Variants in CELF4 observed in about 807,000 individuals in gnomAD.
CELF4 encodes the protein CUGBP Elav-like family member 4, also known as CUG-BP- and ETR-3-like factor 4.
In CELF4, 18 loss-of-function variants were observed where a neutral mutation model predicts 59.9. The observed-to-expected ratio is 0.30, with a 90% CI of 0.21 to 0.45. CELF4 has a LOEUF of 0.45. Among genes scored for constraint, CELF4 ranks in the 20% least tolerant of loss-of-function variants. The probability of loss-of-function intolerance (pLI) is 1.00; values close to 1 mark genes in which losing one functional copy is unlikely to be tolerated. For missense variants in CELF4, 456 were observed against 689.0 expected (o/e 0.66, Z 3.79); for synonymous variants, 261 against 267.1 (o/e 0.98, Z 0.22).
chr18:37,443,857 G>A (rs1264101293), intron 2 of CELF4, among the ~76,000 whole-genome samples: 4 of 152,156 alleles, frequency 2.6e-5, no homozygotes, highest in African/African-American at 9.7e-5. Flanking sequence ...TCTGCCCAGC[G>A]AGATGTCAAT....
At chr18:37,555,274 A>C (rs1196751388) in intron 1 of CELF4, among the ~76,000 whole-genome samples, 2 of 152,216 alleles carry the variant, frequency 1.3e-5, no homozygotes, top group Non-Finnish European at 2.9e-5. Flanking sequence ...AGATATGGAT[A>C]TACTGGATGC....
intron 2 of CELF4, among the ~76,000 whole-genome samples, chr18:37,422,097 C>G (rs1478265162): frequency 6.6e-6 from 1 of 152,208 alleles, no homozygotes; most frequent in African/African-American, 2.4e-5. Context: ...ATAACACTGG[C>G]TAGACAAGTG....
Position 37,526,489 on chromosome 18 carries a change from A to G in CELF4, c.286+38867T>C, listed in dbSNP as rs541930730. Among the ~76,000 whole-genome samples, 8 of 152,268 alleles carry G rather than the reference A, an allele frequency of 5.3e-5. No homozygotes were observed. The East Asian group carries it at 1.5e-3, about 29-fold the overall frequency. On this transcript the variant is annotated intron_variant, in intron 1 of 12. Coordinates refer to ENST00000420428, the MANE Select transcript of CELF4 (RefSeq NM_020180.4). ...CCTATTTCTGTCCTATAGGGGCCAG[A>G]AAGGTATTAGATTTTCAAGTTTCCC...
intron 3 of CELF4, among the ~76,000 whole-genome samples, chr18:37,285,312 G>A (rs2094623756): frequency 6.6e-6 from 1 of 152,190 alleles, no homozygotes; most frequent in African/African-American, 2.4e-5. Flanking sequence ...AATGTGGGCT[G>A]AAAATGTCCT....
At chr18:37,524,709 G>A (rs1171686301) in intron 1 of CELF4, among the ~76,000 whole-genome samples, 2 of 152,216 alleles carry the variant, frequency 1.3e-5, no homozygotes, top group Non-Finnish European at 2.9e-5. Flanking sequence ...GAGCCATTAA[G>A]GGCGGGAACG....
intron 2 of CELF4, among the ~76,000 whole-genome samples, chr18:37,362,489 G>A (rs1371311871): frequency 1.3e-5 from 2 of 152,148 alleles, no homozygotes; most frequent in Non-Finnish European, 2.9e-5. Flanking sequence ...GACGAGGACA[G>A]GGTTGGGGGG....
chr18:37,346,468 G>C (rs1283295348), intron 2 of CELF4, among the ~76,000 whole-genome samples: 1 of 152,170 alleles, frequency 6.6e-6, no homozygotes, highest in Non-Finnish European at 1.5e-5. Context: ...GTCATTCTGC[G>C]ACTGGGGTTC....
At chr18:37,406,866 G>A (rs1007769961) in intron 2 of CELF4, among the ~76,000 whole-genome samples, 7 of 152,050 alleles carry the variant, frequency 4.6e-5, no homozygotes, top group Admixed American at 2.6e-4. Flanking sequence ...TGGGGAAGTG[G>A]GGGAATGGGG....
rs535013866 is a variant in CELF4 at position 37,372,194 on chromosome 18, C to A, written c.370-50313G>T. On this transcript the variant is annotated intron_variant, in intron 2 of 12. Transcript: ENST00000420428. ...GACACGTGCACACGTATGTTTATTG[C>A]GGCACTATTCACAATAGCAAAGACT... is the stretch of plus-strand genomic sequence containing the variant. Among the ~76,000 whole-genome samples, 3 of 152,264 alleles carry A rather than the reference C, an allele frequency of 2.0e-5. No individual in the cohort carries two copies. The East Asian group carries it at 5.8e-4, about 29-fold the overall frequency.
chr18:37,526,235 C>G (rs1186977416), intron 1 of CELF4, among the ~76,000 whole-genome samples: 1 of 152,156 alleles, frequency 6.6e-6, no homozygotes, highest in Admixed American at 6.5e-5. Flanking sequence ...CATTTTCTTT[C>G]AACCCACAAG....
intron 2 of CELF4, among the ~76,000 whole-genome samples, chr18:37,460,870 G>C (rs1426268863): frequency 6.6e-6 from 1 of 152,236 alleles, no homozygotes; most frequent in Non-Finnish European, 1.5e-5. Flanking sequence ...GGGTTGATTG[G>C]ATGTGGGAGG....
At chr18:37,338,409 ATT>A (rs1337896750) in intron 2 of CELF4, among the ~76,000 whole-genome samples, 1 of 150,112 alleles carries the variant, frequency 6.7e-6, no homozygotes, top group Non-Finnish European at 1.5e-5. Flanking sequence ...CACCACTATC[ATT>A]GTCACCATTA....
intron 2 of CELF4, among the ~76,000 whole-genome samples, chr18:37,469,370 T>C (rs2099815997): frequency 6.6e-6 from 1 of 152,044 alleles, no homozygotes; most frequent in African/African-American, 2.4e-5. Flanking sequence ...CAGCAGACAG[T>C]TCCATGTGAA....
intron 2 of CELF4, among the ~76,000 whole-genome samples, chr18:37,474,951 G>A (rs1478536597): frequency 6.6e-6 from 1 of 152,218 alleles, no homozygotes; most frequent in African/African-American, 2.4e-5. Flanking sequence ...CTAGAAAGCG[G>A]AAGACCCCTG....
chr18:37,287,050 A>G (rs2094859789), intron 3 of CELF4, among the ~76,000 whole-genome samples: 1 of 151,714 alleles, frequency 6.6e-6, no homozygotes, highest in Admixed American at 6.6e-5. Context: ...CTTAGATCTC[A>G]TGGGACAGAG....
In CELF4 at chr18:37,451,531, A is replaced by G. The variant is rs111657583; in HGVS notation, c.369+33994T>C. 5.7e-3 allele frequency among the ~76,000 whole-genome samples: 874 copies of G among 152,132 alleles called. 12 individuals carry two copies. Among genetic ancestry groups the G allele is most frequent in the African/African-American group, 0.02 (826 of 41,498 alleles). On this transcript the variant is annotated intron_variant, in intron 2 of 12. Transcript: ENST00000420428. ...TGTGCACGCATGTGTGCACATGCACATGTGTGTATGTATGTGTGTGTGTGT... is the reference window on the plus strand; with the variant it reads ...TGTGCACGCATGTGTGCACATGCACGTGTGTGTATGTATGTGTGTGTGTGT...
At chr18:37,283,173 C>T (rs892467865) in intron 3 of CELF4, among the ~76,000 whole-genome samples, 14 of 151,930 alleles carry the variant, frequency 9.2e-5, no homozygotes, top group Admixed American at 4.6e-4. Flanking sequence ...CCTTCGCCAG[C>T]GCTGCCTTCC....
chr18:37,264,587 G>T, intron 10 of CELF4, 87 bp downstream of exon 10: 1 of 1,154,196 alleles, frequency 8.7e-7, no homozygotes, highest in Non-Finnish European at 1.3e-6. Context: ...CCTTTCCAAC[G>T]CACACCCCAG....
chr18:37,532,055 C>G (rs982249652), intron 1 of CELF4, among the ~76,000 whole-genome samples: 1 of 152,206 alleles, frequency 6.6e-6, no homozygotes, highest in Non-Finnish European at 1.5e-5. Context: ...CATGCTAGCT[C>G]CCCTTCCACC....
Sources: gnomAD v4.1 joint callset for allele counts (sites outside exome capture counted in the v4.1 genomes callset) on GRCh38, gnomAD v4.1.1 for gene constraint, MANE v1.5 for transcripts, NCBI Gene and HGNC (gene_info 2026-07-23, HGNC 2026-07-21) for gene names.